The following TENM2 variants were observed in gnomAD, a reference collection of about 807,000 sequenced individuals.
TENM2 encodes the protein teneurin-2.
TENM2 carries 52 observed loss-of-function variants against 245.2 expected under a neutral mutation model. The observed-to-expected ratio is 0.21, with a 90% CI of 0.17 to 0.27. The LOEUF (loss-of-function observed/expected upper bound fraction) is 0.27. Among genes scored for constraint, TENM2 ranks in the 10% least tolerant of loss-of-function variants. The probability of loss-of-function intolerance (pLI) is 1.00; values close to 1 mark genes in which losing one functional copy is unlikely to be tolerated. For synonymous variants in TENM2, 1,363 were observed against 1,438.9 expected, an observed-to-expected ratio of 0.95 and a Z score of 1.19; for missense variants, 3,046 against 3,666.8, an observed-to-expected ratio of 0.83 and a Z score of 4.37.
chr5:167,931,932 C>T (rs1043732706), intron 3 of TENM2, among the ~76,000 whole-genome samples: 1 of 152,202 alleles, frequency 6.6e-6, no homozygotes, highest in African/African-American at 2.4e-5. Context: ...GTTCTTAGTT[C>T]AACCTCTATG....
chr5:167,092,977 C>A, the TENM2 span, among the ~76,000 whole-genome samples: 1 of 152,080 alleles, frequency 6.6e-6, no homozygotes, highest in Non-Finnish European at 1.5e-5. Flanking sequence ...ACCCTCATAC[C>A]ATGGTTAATA....
intron 1 of TENM2, among the ~76,000 whole-genome samples, chr5:167,368,979 G>A (rs1002545006): frequency 6.6e-6 from 1 of 152,116 alleles, no homozygotes; most frequent in African/African-American, 2.4e-5. Context: ...CCCCGCGCTG[G>A]TCTCCACGGA....
At chr5:167,932,459 T>A (rs750038482) in intron 3 of TENM2, among the ~76,000 whole-genome samples, 1 of 152,096 alleles carries the variant, frequency 6.6e-6, no homozygotes. Context: ...TAAACAGGCA[T>A]AATTAGTAGG....
chr5:167,283,708 G>A (rs184212511), upstream of TENM2, among the ~76,000 whole-genome samples: 34 of 152,260 alleles, frequency 2.2e-4, no homozygotes, highest in Non-Finnish European at 4.1e-4. Flanking sequence ...ATTAAAATTC[G>A]TATTTGTCCA....
chr5:167,132,318 T>G, the TENM2 span, among the ~76,000 whole-genome samples: 2 of 152,154 alleles, frequency 1.3e-5, no homozygotes, highest in Admixed American at 1.3e-4. Flanking sequence ...GTGACCCCTA[T>G]TCTGACCTCC....
intron 2 of TENM2, among the ~76,000 whole-genome samples, chr5:167,671,159 A>G (rs1413853756): frequency 1.3e-5 from 2 of 152,094 alleles, no homozygotes. Context: ...TCTGACACAC[A>G]CCTACCCCAC....
chr5:167,146,493 A>G, the TENM2 span, among the ~76,000 whole-genome samples: 1 of 152,160 alleles, frequency 6.6e-6, no homozygotes, highest in Non-Finnish European at 1.5e-5. Flanking sequence ...CCTGCTATCG[A>G]CAGAGGAGTT....
At chr5:167,321,782 C>CTTTT (rs1191717159) in intron 1 of TENM2, among the ~76,000 whole-genome samples, 1,178 of 59,690 alleles carry the variant, frequency 0.02, 151 homozygotes, top group African/African-American at 0.054. Context: ...GCTGCCTTGG[C>CTTTT]TTATTTTTTT....
chr5:167,164,058 C>G, the TENM2 span, among the ~76,000 whole-genome samples: 1 of 152,062 alleles, frequency 6.6e-6, no homozygotes, highest in Non-Finnish European at 1.5e-5. Flanking sequence ...AAAAGTAAAC[C>G]CTTTTTTTTT....
intron 2 of TENM2, among the ~76,000 whole-genome samples, chr5:167,506,276 T>G (rs765019652): frequency 6.6e-6 from 1 of 152,196 alleles, no homozygotes; most frequent in Non-Finnish European, 1.5e-5. Context: ...TATTATACGG[T>G]CAGAACAATG....
chr5:167,061,770 T>C, the TENM2 span, among the ~76,000 whole-genome samples: 1 of 152,040 alleles, frequency 6.6e-6, no homozygotes, highest in Non-Finnish European at 1.5e-5. Flanking sequence ...TAAACGTGTT[T>C]ACTTTTGCAC....
intron 1 of TENM2, among the ~76,000 whole-genome samples, chr5:167,320,467 A>C (rs1303173471): frequency 6.6e-6 from 1 of 152,226 alleles, no homozygotes; most frequent in Non-Finnish European, 1.5e-5. Context: ...TGATAGACAC[A>C]GAACGAGATC....
intron 9 of TENM2, among the ~76,000 whole-genome samples, chr5:168,114,286 A>G (rs115991696): frequency 0.014 from 2,108 of 152,282 alleles, 49 homozygotes; most frequent in African/African-American, 0.048. Context: ...GGTAAGGTAC[A>G]GGTTTGGTTT....
chr5:168,118,564 T>G, intron 10 of TENM2, 78 bp downstream of exon 12: 5 of 1,118,220 alleles, frequency 4.5e-6, no homozygotes, highest in Non-Finnish European at 6.1e-6. Context: ...ATGAGCCCAG[T>G]CCTGGGCTGC....
chr5:167,898,251 A>G (rs1439921396), intron 3 of TENM2, among the ~76,000 whole-genome samples: 1 of 152,174 alleles, frequency 6.6e-6, no homozygotes, highest in Admixed American at 6.5e-5. Context: ...TAGAAATGCA[A>G]GTCCTCAGCA....
At chr5:168,184,392 C>T (rs10069488) in intron 13 of TENM2, among the ~76,000 whole-genome samples, 96,329 of 152,066 alleles carry the variant, frequency 0.63, 31,701 homozygotes, top group Admixed American at 0.77. Flanking sequence ...AGGCCATCTC[C>T]ACCACTCTGT....
chr5:167,404,495 A>G (rs952297147), intron 2 of TENM2, among the ~76,000 whole-genome samples: 1 of 152,124 alleles, frequency 6.6e-6, no homozygotes. Flanking sequence ...GGTGTAGCCC[A>G]CTGGGGAGAG....
At chr5:167,900,479 C>A (rs1775613688) in intron 3 of TENM2, among the ~76,000 whole-genome samples, 1 of 152,150 alleles carries the variant, frequency 6.6e-6, no homozygotes, top group Admixed American at 6.6e-5. Context: ...CCCATTAGGG[C>A]TGCTCTGATG....
At chr5:167,565,883 A>C (rs1478123120) in intron 2 of TENM2, among the ~76,000 whole-genome samples, 4 of 152,156 alleles carry the variant, frequency 2.6e-5, no homozygotes, top group African/African-American at 9.7e-5. Flanking sequence ...TCTTTAAGGG[A>C]GTGTATGGCA....
Sources: gnomAD v4.1 joint callset for allele counts (sites outside exome capture counted in the v4.1 genomes callset) on GRCh38, gnomAD v4.1.1 for gene constraint, MANE v1.5 for transcripts, NCBI Gene and HGNC (gene_info 2026-07-23, HGNC 2026-07-21) for gene names.